MICU1: variants seen among roughly 807,000 people sequenced by gnomAD.
The protein encoded by MICU1 is calcium uptake protein 1, mitochondrial.
Under a neutral mutation model 56.8 loss-of-function variants are expected in MICU1, and 45 were observed. The observed-to-expected ratio is 0.79, with a 90% CI of 0.62 to 1.02. The LOEUF is 1.02. Among genes scored for constraint, MICU1 ranks in the 50% least tolerant of loss-of-function variants. The probability of loss-of-function intolerance (pLI) is 0.00; values close to 1 mark genes in which losing one functional copy is unlikely to be tolerated. For missense variants in MICU1, 504 were observed against 587.1 expected, an observed-to-expected ratio of 0.86 and a Z score of 1.46; for synonymous variants, 186 against 195.1, an observed-to-expected ratio of 0.95 and a Z score of 0.39.
At chr10:72,508,911 T>C (rs900882746) in intron 5 of MICU1, among the ~76,000 whole-genome samples, 2 of 152,212 alleles carry the variant, frequency 1.3e-5, no homozygotes, top group Non-Finnish European at 2.9e-5. Flanking sequence ...GGCTCCTAGA[T>C]GTCAGCTATT....
intron 8 of MICU1, chr10:72,467,714 T>C (rs558672278): frequency 1.3e-5 from 2 of 152,320 alleles, no homozygotes; most frequent in East Asian, 3.9e-4. Context: ...TTAACCTCAA[T>C]ATTTTTTCTT....
chr10:72,375,929 TG>T, intron 10 of MICU1, 57 bp from the exon 11 acceptor site: 3 of 1,491,632 alleles, frequency 2.0e-6, no homozygotes, highest in Non-Finnish European at 2.8e-6. Context: ...TTGCTTTCTC[TG>T]ATTCAGGGGA....
chr10:72,463,932 T>C (rs1865711273), intron 8 of MICU1, among the ~76,000 whole-genome samples: 2 of 152,222 alleles, frequency 1.3e-5, no homozygotes, highest in Admixed American at 6.5e-5. Context: ...ATTTTTACTC[T>C]GCTTTTTCTA....
At chr10:72,576,104 T>C (rs1239819923) in intron 1 of MICU1, among the ~76,000 whole-genome samples, 3 of 151,414 alleles carry the variant, frequency 2.0e-5, no homozygotes, top group Admixed American at 2.0e-4. Flanking sequence ...ATCCCAGCTA[T>C]TCGGGAGGCT....
At chr10:72,565,126 C>CA (rs869255991) in intron 2 of MICU1, among the ~76,000 whole-genome samples, 3,609 of 97,958 alleles carry the variant, frequency 0.037, 124 homozygotes, top group African/African-American at 0.11. Flanking sequence ...ACTAAAAATA[C>CA]AAAAAAAAAA....
chr10:72,556,791 G>A (rs1271918944), intron 3 of MICU1, among the ~76,000 whole-genome samples: 2 of 151,986 alleles, frequency 1.3e-5, no homozygotes, highest in Non-Finnish European at 2.9e-5. Context: ...ATCTGGCCAG[G>A]TGGGTAGCTC....
At chr10:72,438,955 G>A (rs1485053850) in intron 8 of MICU1, among the ~76,000 whole-genome samples, 1 of 152,134 alleles carries the variant, frequency 6.6e-6, no homozygotes, top group Non-Finnish European at 1.5e-5. Context: ...ATTCACAGGT[G>A]AATTCTACCA....
At chr10:72,599,499 A>T (rs1428175962) in intron 1 of MICU1, among the ~76,000 whole-genome samples, 1 of 151,792 alleles carries the variant, frequency 6.6e-6, no homozygotes, top group Non-Finnish European at 1.5e-5. Context: ...CACACTACAC[A>T]CCCCTTAGAG....
At chr10:72,623,955 G>A (rs1842171630) in intron 1 of MICU1, among the ~76,000 whole-genome samples, 1 of 151,820 alleles carries the variant, frequency 6.6e-6, no homozygotes, top group Admixed American at 6.6e-5. Context: ...CTAAACAACT[G>A]CATATGGAAA....
intron 10 of MICU1, among the ~76,000 whole-genome samples, chr10:72,396,293 A>G (rs1442921246): frequency 6.6e-6 from 1 of 152,228 alleles, no homozygotes; most frequent in East Asian, 1.9e-4. Flanking sequence ...CACCAACATC[A>G]AAGACCAAAG....
chr10:72,592,320 T>C (rs1399246858), intron 1 of MICU1, among the ~76,000 whole-genome samples: 1 of 151,490 alleles, frequency 6.6e-6, no homozygotes, highest in East Asian at 1.9e-4. Flanking sequence ...AGACCCTGTT[T>C]CAAGGAAAAA....
chr10:72,549,095 G>T (rs1839966193), intron 4 of MICU1, among the ~76,000 whole-genome samples: 1 of 151,874 alleles, frequency 6.6e-6, no homozygotes, highest in Admixed American at 6.6e-5. Flanking sequence ...ATTTAATAAT[G>T]TGGGCAAAAT....
intron 1 of MICU1, among the ~76,000 whole-genome samples, chr10:72,591,873 G>A (rs1195778969): frequency 6.6e-6 from 1 of 151,922 alleles, no homozygotes; most frequent in Non-Finnish European, 1.5e-5. Context: ...TTAGCCAGGC[G>A]TGGTGTGTGC....
At chr10:72,370,229 T>C (rs1278408338) in intron 11 of MICU1, among the ~76,000 whole-genome samples, 1 of 152,020 alleles carries the variant, frequency 6.6e-6, no homozygotes, top group Non-Finnish European at 1.5e-5. Context: ...CAGTAACCAC[T>C]GTAATAGCAG....
chr10:72,401,550 A>G (rs1863456382), intron 10 of MICU1, among the ~76,000 whole-genome samples: 1 of 152,146 alleles, frequency 6.6e-6, no homozygotes, highest in African/African-American at 2.4e-5. Flanking sequence ...GCTACTTGGG[A>G]GGCTGGGACA....
chr10:72,592,026 T>A (rs1437498591), intron 1 of MICU1, among the ~76,000 whole-genome samples: 1 of 150,406 alleles, frequency 6.6e-6, no homozygotes, highest in African/African-American at 2.4e-5. Flanking sequence ...TTTTTTTTTT[T>A]TGAGACAGAG....
intron 9 of MICU1, among the ~76,000 whole-genome samples, chr10:72,421,014 A>AT (rs1554865339): frequency 0.018 from 2,576 of 140,278 alleles, 30 homozygotes; most frequent in Middle Eastern, 0.029. Context: ...AAAAAAAAAA[A>AT]AAAATAATAA....
chr10:72,480,540 G>C (rs1350730967), intron 6 of MICU1, among the ~76,000 whole-genome samples: 3 of 152,226 alleles, frequency 2.0e-5, no homozygotes, highest in African/African-American at 7.2e-5. Flanking sequence ...GAAAAGGGTA[G>C]ATTGCAGGTG....
At chr10:72,397,262 T>C (rs1483426027) in intron 10 of MICU1, among the ~76,000 whole-genome samples, 1 of 152,208 alleles carries the variant, frequency 6.6e-6, no homozygotes, top group Admixed American at 6.5e-5. Flanking sequence ...AAGCCTGCCT[T>C]ATAAGAGCTC....
Sources: gnomAD v4.1 joint callset for allele counts (sites outside exome capture counted in the v4.1 genomes callset) on GRCh38, gnomAD v4.1.1 for gene constraint, MANE v1.5 for transcripts, NCBI Gene and HGNC (gene_info 2026-07-23, HGNC 2026-07-21) for gene names.